CTIF: variants seen among roughly 807,000 people sequenced by gnomAD.
The protein encoded by CTIF is cap binding complex dependent translation initiation factor.
A neutral mutation model predicts 66.0 loss-of-function variants in CTIF; 21 were observed. The ratio of observed to expected loss-of-function variants is 0.32; its 90% CI spans 0.23 to 0.46. The LOEUF is 0.46. Ranked by LOEUF, CTIF falls within the 20% of genes least tolerant of loss-of-function variation. The pLI, the probability that CTIF is intolerant of heterozygous loss-of-function variation, is 1.00. For synonymous variants in CTIF, 345 were observed against 326.4 expected (o/e 1.06, Z -0.62); for missense variants, 739 against 812.7 (o/e 0.91, Z 1.10).
intron 6 of CTIF, among the ~76,000 whole-genome samples, chr18:48,706,903 G>C (rs974873463): frequency 6.6e-6 from 1 of 152,202 alleles, no homozygotes; most frequent in Non-Finnish European, 1.5e-5. Context: ...TTTAGTTACC[G>C]GAAGTGGTCA....
rs571772331 is a variant in CTIF at position 48,850,821 on chromosome 18, C to T, written c.1528-6767C>T. Among the ~76,000 whole-genome samples, 14 of 152,348 alleles carry T rather than the reference C, an allele frequency of 9.2e-5. 1 individual carries two copies. The South Asian group carries it at 2.9e-3, about 32-fold the overall frequency. Reference sequence around the variant, plus strand: ...GAGGGAGCATCCTCCACCATCCCTTCACCCCGAAGGGTCTGAGAATCCACT... The same window carrying T: ...GAGGGAGCATCCTCCACCATCCCTTTACCCCGAAGGGTCTGAGAATCCACT... On this transcript the variant is annotated intron_variant, in intron 10 of 11. Coordinates refer to ENST00000256413, the MANE Select transcript of CTIF (RefSeq NM_014772.3).
chr18:48,712,254 C>T (rs548847884), intron 7 of CTIF, among the ~76,000 whole-genome samples: 3 of 152,234 alleles, frequency 2.0e-5, no homozygotes, highest in African/African-American at 4.8e-5. Flanking sequence ...AGGCAGAAAC[C>T]GAGATCTCCT....
At chr18:48,681,236 G>T (rs921174102) in intron 6 of CTIF, among the ~76,000 whole-genome samples, 1 of 152,236 alleles carries the variant, frequency 6.6e-6, no homozygotes, top group African/African-American at 2.4e-5. Flanking sequence ...CAGCCAGGGG[G>T]GCTGGGGGGT....
chr18:48,600,981 T>C lies in CTIF; in HGVS notation c.-28-18557T>C, dbSNP rs145632189. ...GCGCCTCCTTGCTCTCTCAGCCACG[T>C]AGACACTGTGTTTCCTTAGGCCACT... On this transcript the variant is annotated intron_variant, in intron 1 of 11. Transcript: ENST00000256413. Among the ~76,000 whole-genome samples, 4 of 152,270 alleles carry C rather than the reference T, an allele frequency of 2.6e-5. No individual in the cohort carries two copies. The East Asian group carries it at 7.7e-4, about 29-fold the overall frequency.
intron 7 of CTIF, among the ~76,000 whole-genome samples, chr18:48,732,135 C>T (rs999070463): frequency 5.3e-5 from 8 of 152,298 alleles, no homozygotes; most frequent in Middle Eastern, 3.4e-3. Flanking sequence ...TTCACCTGGC[C>T]GCCGGGCTCA....
intron 3 of CTIF, among the ~76,000 whole-genome samples, chr18:48,658,798 G>T (rs945898778): frequency 6.6e-6 from 1 of 152,286 alleles, no homozygotes; most frequent in East Asian, 1.9e-4. Flanking sequence ...GTAAGCATTT[G>T]TCTGGCTCCA....
chr18:48,831,727 G>A (rs2068696242), intron 10 of CTIF, among the ~76,000 whole-genome samples: 3 of 152,220 alleles, frequency 2.0e-5, no homozygotes, highest in Admixed American at 2.0e-4. Flanking sequence ...AAGGGAACAG[G>A]TGAAATTAAT....
chr18:48,692,741 TTTG>T (rs1198242853), intron 6 of CTIF: 2 of 152,130 alleles, frequency 1.3e-5, no homozygotes, highest in African/African-American at 2.4e-5. Flanking sequence ...GTTCCCACAT[TTTG>T]CTGCACAATG....
chr18:48,671,244 C>T (rs752954601), intron 6 of CTIF, among the ~76,000 whole-genome samples: 7 of 152,050 alleles, frequency 4.6e-5, no homozygotes, highest in Non-Finnish European at 1.0e-4. Context: ...GGCCAGGTTC[C>T]AGGACAAAGA....
chr18:48,545,187 G>A (rs1219901737), intron 1 of CTIF, among the ~76,000 whole-genome samples: 1 of 152,244 alleles, frequency 6.6e-6, no homozygotes, highest in African/African-American at 2.4e-5. Flanking sequence ...GGAACCGCAA[G>A]CAGTGAGGTC....
intron 7 of CTIF, among the ~76,000 whole-genome samples, chr18:48,749,972 C>T (rs1185069642): frequency 3.9e-5 from 6 of 152,292 alleles, no homozygotes; most frequent in South Asian, 2.1e-4. Context: ...CGGAGCCTGG[C>T]GACTCCCCAG....
intron 10 of CTIF, among the ~76,000 whole-genome samples, chr18:48,832,536 G>A (rs8091955): frequency 0.52 from 79,803 of 152,074 alleles, 22,633 homozygotes; most frequent in East Asian, 0.97. Context: ...GAGAATCCAC[G>A]GATAGGGACA....
intron 2 of CTIF, among the ~76,000 whole-genome samples, chr18:48,622,292 G>A (rs1276676923): frequency 3.3e-5 from 5 of 152,122 alleles, no homozygotes; most frequent in Admixed American, 6.5e-5. Context: ...GGGGTGTGGC[G>A]TGTGTCCAGG....
At chr18:48,690,673 G>A (rs756963843) in intron 6 of CTIF, among the ~76,000 whole-genome samples, 10 of 151,928 alleles carry the variant, frequency 6.6e-5, no homozygotes, top group Non-Finnish European at 8.8e-5. Flanking sequence ...CAGCCCTGGC[G>A]CACCCTGCAA....
chr18:48,684,825 C>T (rs1297600096), intron 6 of CTIF, among the ~76,000 whole-genome samples: 3 of 152,150 alleles, frequency 2.0e-5, no homozygotes, highest in Non-Finnish European at 2.9e-5. Flanking sequence ...GTTGCAGACA[C>T]AGTGCCACTT....
At chr18:48,743,083 G>T (rs2092568290) in intron 7 of CTIF, among the ~76,000 whole-genome samples, 2 of 152,336 alleles carry the variant, frequency 1.3e-5, no homozygotes, top group South Asian at 2.1e-4. Context: ...ATATTAAAAG[G>T]CTGGTTCATG....
At chr18:48,732,715 C>G (rs1202374487) in intron 7 of CTIF, among the ~76,000 whole-genome samples, 1 of 152,210 alleles carries the variant, frequency 6.6e-6, no homozygotes, top group African/African-American at 2.4e-5. Context: ...AGCATTGCCT[C>G]TCCTCCAGAC....
intron 7 of CTIF, among the ~76,000 whole-genome samples, chr18:48,739,701 C>T (rs920679409): frequency 2.6e-5 from 4 of 152,204 alleles, no homozygotes; most frequent in Non-Finnish European, 5.9e-5. Flanking sequence ...GGGCCCTTCC[C>T]AGGGGCCACT....
intron 1 of CTIF, among the ~76,000 whole-genome samples, chr18:48,542,593 T>G (rs2145460255): frequency 6.6e-6 from 1 of 152,342 alleles, no homozygotes; most frequent in Non-Finnish European, 1.5e-5. Flanking sequence ...ATACTCTGCT[T>G]CTCTACAAAG....
Sources: gnomAD v4.1 joint callset for allele counts (sites outside exome capture counted in the v4.1 genomes callset) on GRCh38, gnomAD v4.1.1 for gene constraint, MANE v1.5 for transcripts, NCBI Gene and HGNC (gene_info 2026-07-23, HGNC 2026-07-21) for gene names.